The following ZAN variants were observed in gnomAD, a reference collection of about 807,000 sequenced individuals.
ZAN encodes the protein zonadhesin, also known as zonadhesin (gene/pseudogene).
ZAN carries 260 observed loss-of-function variants against 286.2 expected under a neutral mutation model. The observed-to-expected ratio is 0.91, with a 90% CI of 0.82 to 1.01. The LOEUF (loss-of-function observed/expected upper bound fraction) is 1.01, where lower values mean the gene tolerates loss of function less well. Ranked by LOEUF, ZAN falls within the 50% of genes least tolerant of loss-of-function variation. The pLI, the probability that ZAN is intolerant of heterozygous loss-of-function variation, is 0.00. For missense variants in ZAN, 3,410 were observed against 3,639.2 expected (o/e 0.94, Z 1.62); for synonymous variants, 1,368 against 1,417.5 (o/e 0.97, Z 0.79).
At position 100,747,500 on chromosome 7, in the gene ZAN, T is replaced by C. The variant is rs186157380; in HGVS notation, c.932-50T>C. On this transcript the variant is annotated intron_variant, in intron 8 of 47. Coordinates refer to ENST00000613979, the MANE Select transcript of ZAN (RefSeq NM_003386.3). ...TCCTCCTAGGTATAGTTCAAAGTCG[T>C]TTCCCAGTCCCCTTAAGCTCACTTC... 6.6e-5 allele frequency: 103 copies of C among 1,559,236 alleles called. 1 individual carries two copies. The East Asian group carries it at 2.2e-3, about 34-fold the overall frequency.
At chr7:100,756,190 C>T (rs1233126828) in intron 15 of ZAN, among the ~76,000 whole-genome samples, 1 of 152,042 alleles carries the variant, frequency 6.6e-6, no homozygotes, top group African/African-American at 2.4e-5. Context: ...AAATTAAGTC[C>T]TAACACATAC....
intron 28 of ZAN, among the ~76,000 whole-genome samples, chr7:100,770,746 C>T (rs1235082128): frequency 2.0e-5 from 3 of 151,982 alleles, no homozygotes; most frequent in Non-Finnish European, 4.4e-5. Flanking sequence ...GCTTGAACTC[C>T]TGGGCTCAAG....
chr7:100,744,353 C>G (rs1430983172), intron 7 of ZAN, among the ~76,000 whole-genome samples: 1 of 150,364 alleles, frequency 6.7e-6, no homozygotes, highest in Non-Finnish European at 1.5e-5. Context: ...AATCCCAGCA[C>G]TTTGGGAGGC....
rs372765266 is a variant in ZAN, at chr7:100,759,838, G to T, written c.3689G>T (p.Arg1230Leu). Residue 1230 changes from arginine (R) to leucine (L), a missense_variant, in exon 18 of 48, where the codon CGC becomes CTC. Around this residue, in one of 7 missense-constraint regions of ZAN, gnomAD observed 1,042 missense variants for 1,058.0 expected, o/e 0.98. Transcript: ENST00000613979. ...ACCGTCACCCTGCTTAAGGGCAGACGCACTCTGGTGAGCCCCATTCCACCC... is the reference window on the plus strand; with the variant it reads ...ACCGTCACCCTGCTTAAGGGCAGACTCACTCTGGTGAGCCCCATTCCACCC... ...ESTVTLLKGR[R>L]TLVGGQQVTL... The T allele has an allele frequency of 1.3e-5, 21 of 1,612,438 alleles. No individual in the cohort carries two copies. The highest frequency in any genetic ancestry group is 1.8e-5 in the Non-Finnish European group (21 of 1,179,448).
At chr7:100,737,992 T>C (rs1807434369) in intron 6 of ZAN, among the ~76,000 whole-genome samples, 1 of 139,758 alleles carries the variant, frequency 7.2e-6, no homozygotes, top group South Asian at 2.2e-4. Context: ...ATTTCACTCT[T>C]GTCACCCAGG....
chr7:100,775,354 G>A lies in ZAN; in HGVS notation c.5806G>A (p.Glu1936Lys). Residue 1936 changes from glutamate (E) to lysine (K), a missense_variant, in exon 32 of 48, where the codon GAG becomes AAG. Physicochemically the swap from Glu to Lys is moderately conservative, Grantham distance 56. This residue lies in a region of ZAN where 1,289 missense variants were observed against 1,314.3 expected (regional missense o/e 0.98). Transcript: ENST00000613979. The part of the protein sequence containing the change: ...SGVGVCQLPG[E>K]SHYVSFDGSN... The stretch of plus-strand genomic sequence containing the variant: ...TGTGGGAGTGTGTCAGCTCCCAGGG[G>A]AGTCCCACTACGTGAGCTTTGATGG... 1 of 1,613,394 alleles carries A rather than the reference G, an allele frequency of 6.2e-7. No homozygotes were observed. The highest frequency in any genetic ancestry group is 8.5e-7 in the Non-Finnish European group (1 of 1,179,732).
chr7:100,773,552 G>A, intron 30 of ZAN, 59 bp downstream of exon 30: 2 of 1,588,298 alleles, frequency 1.3e-6, no homozygotes, highest in Non-Finnish European at 1.7e-6. Context: ...TGGGGTCAGG[G>A]CAAGCTCAGG....
rs314340 is a variant in ZAN at position 100,794,022 on chromosome 7, T to C, written c.7986+4T>C. The C allele has an allele frequency of 1, 1,610,178 of 1,613,026 alleles. 803,696 individuals carry two copies. Among genetic ancestry groups the C allele is most frequent in the East Asian group, 1 (44,850 of 44,850 alleles). On this transcript the variant is annotated splice_donor_region_variant and intron_variant, in intron 43 of 47. Transcript: ENST00000613979. The stretch of plus-strand genomic sequence containing the variant: ...CAGCAATGGCATCTACTACCAGGTC[T>C]GAGCTGGCAGCAGGAGGCCCTGGGG...
chr7:100,765,275 G>C, intron 22 of ZAN, 77 bp from the exon 23 acceptor site: 1 of 1,499,294 alleles, frequency 6.7e-7, no homozygotes, highest in South Asian at 1.2e-5. Context: ...GGGCCCTTCC[G>C]AACGTGTCCT....
intron 42 of ZAN, 53 bp downstream of exon 42, chr7:100,792,532 C>T (rs772771054): frequency 2.5e-5 from 40 of 1,609,318 alleles, no homozygotes; most frequent in Non-Finnish European, 3.1e-5. Flanking sequence ...CTGGCGGGAC[C>T]GCACCCTCTG....
chr7:100,792,380 C>A, intron 41 of ZAN, 25 bp from the exon 42 acceptor site: 2 of 1,583,988 alleles, frequency 1.3e-6, no homozygotes, highest in Non-Finnish European at 1.7e-6. Flanking sequence ...CTGACTGTGC[C>A]CTTCCTGCCC....
intron 28 of ZAN, among the ~76,000 whole-genome samples, chr7:100,770,466 T>C (rs1270621386): frequency 1.5e-5 from 2 of 135,248 alleles, no homozygotes; most frequent in Non-Finnish European, 3.1e-5. Context: ...ATTTCGCCAC[T>C]GCACTCCAGC....
intron 34 of ZAN, among the ~76,000 whole-genome samples, chr7:100,778,159 T>C (rs1049092637): frequency 1.3e-5 from 2 of 149,894 alleles, no homozygotes; most frequent in African/African-American, 4.9e-5. Context: ...AAACAAAAAT[T>C]AGCCAGCCAT....
At chr7:100,773,613 TG>T in intron 30 of ZAN, 107 bp from the exon 31 acceptor site, 2 of 1,541,234 alleles carry the variant, frequency 1.3e-6, no homozygotes, top group Non-Finnish European at 1.8e-6. Context: ...TGGCCAAGGC[TG>T]GGGGGCGAGG....
At chr7:100,765,250 A>G in intron 22 of ZAN, 102 bp from the exon 23 acceptor site, 2 of 1,311,270 alleles carry the variant, frequency 1.5e-6, no homozygotes, top group Middle Eastern at 1.9e-4. Context: ...GAGATTGGCC[A>G]GAAGCCTGGA....
rs1225516791 is a variant in ZAN at position 100,791,867 on chromosome 7, C to A, written c.7530-99C>A. 17 of 1,405,616 alleles carry A rather than the reference C, an allele frequency of 1.2e-5. No homozygotes were observed. In the East Asian group the frequency reaches 4.3e-4, roughly 35 times the overall value. 87.1% of individuals were successfully genotyped at this position (1,405,616 alleles called of 1,614,324 possible). ...CTCAGCCTCCCGGGTAGCTGGGACT[C>A]CAGGCAGCCACCACCATGCCCGGCT... On this transcript the variant is annotated intron_variant, in intron 40 of 47. Coordinates refer to ENST00000613979, the MANE Select transcript of ZAN (RefSeq NM_003386.3).
rs780423702 is a variant in ZAN, at chr7:100,773,361, C to T, written c.5502C>T (p.Asn1834=). 1 of 1,613,994 alleles carries T rather than the reference C, an allele frequency of 6.2e-7. No individual in the cohort carries two copies. The highest frequency in any genetic ancestry group is 1.1e-5 in the South Asian group (1 of 91,090). The part of the protein sequence containing the change: ...PCPDTCSSIN[N]PRDCPKALPC... ...CAGACACCTGCAGCAGCATAAACAACCCGAGGGACTGCCCCAAAGCACTGC... is the reference window on the plus strand; with the variant it reads ...CAGACACCTGCAGCAGCATAAACAATCCGAGGGACTGCCCCAAAGCACTGC... Residue 1834 remains asparagine, a synonymous_variant, in exon 30 of 48, where the codon AAC becomes AAT. Transcript: ENST00000613979.
At chr7:100,770,081 G>A (rs1810272889) in intron 28 of ZAN, 107 bp downstream of exon 28, 1 of 1,150,310 alleles carries the variant, frequency 8.7e-7, no homozygotes, top group Admixed American at 2.4e-5. Flanking sequence ...AGATGGAAAA[G>A]CATGAGGAAG....
rs1584541992 is a variant in ZAN, at chr7:100,737,283, G to A, written c.547G>A (p.Gly183Ser). Residue 183 changes from glycine to serine, a missense_variant, in exon 6 of 48, where the codon GGT (glycine) becomes AGT (serine). By Grantham distance (56) the Gly-to-Ser change is moderately conservative (BLOSUM62 0). Transcript: ENST00000613979. ...PTRLMFEGTR[G>S]STAYLDIALD... Reference sequence around the variant, plus strand: ...GCAGCTGATGTTTGAGGGAACACGGGGTAGCACTGCCTACCTGGACATCGC... The same window carrying A: ...GCAGCTGATGTTTGAGGGAACACGGAGTAGCACTGCCTACCTGGACATCGC... 5 of 1,490,062 alleles carry A rather than the reference G, an allele frequency of 3.4e-6. No homozygotes were observed. In the Middle Eastern group the frequency reaches 6.8e-4, roughly 203 times the overall value. 92.3% of individuals were successfully genotyped at this position (1,490,062 alleles called of 1,614,324 possible). A position where few individuals can be genotyped will look rare whatever the true frequency, so the allele number is the denominator to read the frequency against.
Sources: allele counts gnomAD v4.1 joint callset (sites outside exome capture counted in the v4.1 genomes callset), GRCh38; gene constraint gnomAD v4.1.1; regional missense constraint gnomAD v4.1.1; transcripts MANE v1.5; gene names NCBI Gene and HGNC (gene_info 2026-07-23, HGNC 2026-07-21).